Variants in SYNCRIP observed in about 807,000 individuals in gnomAD.
The protein encoded by SYNCRIP is synaptotagmin binding cytoplasmic RNA interacting protein, also known as heterogeneous nuclear ribonucleoprotein Q.
A neutral mutation model predicts 68.9 loss-of-function variants in SYNCRIP; 9 were observed. That is an observed-to-expected ratio of 0.13 (90% confidence interval 0.08 to 0.23). The LOEUF (loss-of-function observed/expected upper bound fraction) is 0.23, where lower values mean the gene tolerates loss of function less well. Among genes scored for constraint, SYNCRIP ranks in the 10% least tolerant of loss-of-function variants. SYNCRIP has a pLI of 1.00. For synonymous variants in SYNCRIP, 258 were observed against 254.0 expected (o/e 1.02, Z -0.15); for missense variants, 414 against 770.6 (o/e 0.54, Z 5.48).
At chr6:85,637,415 A>T in intron 4 of SYNCRIP, 59 bp from the exon 5 acceptor site, 2 of 1,074,714 alleles carry the variant, frequency 1.9e-6, no homozygotes, top group Non-Finnish European at 1.4e-6. Context: ...CCATATATTT[A>T]GCAGTTAACA....
intron 6 of SYNCRIP, among the ~76,000 whole-genome samples, chr6:85,627,935 T>C (rs1419974936): frequency 6.6e-6 from 1 of 152,228 alleles, no homozygotes; most frequent in Non-Finnish European, 1.5e-5. Context: ...CCTTCCCTCA[T>C]AGTCACCAAA....
chr6:85,640,086 A>C (rs1363652917), intron 4 of SYNCRIP, 135 bp downstream of exon 4: 1 of 660,738 alleles, frequency 1.5e-6, no homozygotes, highest in Non-Finnish European at 2.6e-6. Flanking sequence ...AAAAAACTTA[A>C]AAAAAGGAAT....
intron 7 of SYNCRIP, among the ~76,000 whole-genome samples, chr6:85,622,909 C>A (rs1390248603): frequency 6.6e-6 from 1 of 152,144 alleles, no homozygotes; most frequent in East Asian, 1.9e-4. Flanking sequence ...AGAACATGTG[C>A]TCTTTTTAGA....
intron 4 of SYNCRIP, 25 bp from the exon 5 acceptor site, chr6:85,637,381 T>C (rs747714656): frequency 7.5e-6 from 11 of 1,459,292 alleles, no homozygotes; most frequent in Non-Finnish European, 1.1e-5. Context: ...ACGTCATTAA[T>C]ACATTTAATT....
intron 6 of SYNCRIP, among the ~76,000 whole-genome samples, chr6:85,624,663 T>G (rs1384711565): frequency 6.6e-6 from 1 of 152,222 alleles, no homozygotes; most frequent in East Asian, 1.9e-4. Flanking sequence ...AGAAGTAGAT[T>G]TGTCATGGCA....
At chr6:85,623,773 T>C (rs1032135571) in intron 7 of SYNCRIP, among the ~76,000 whole-genome samples, 2 of 152,164 alleles carry the variant, frequency 1.3e-5, no homozygotes, top group Non-Finnish European at 2.9e-5. Flanking sequence ...CCCTACTAAC[T>C]TGTACAACGT....
At chr6:85,623,571 A>AAAAAAACAAAAAAAAAAAAC (rs1562087643) in intron 7 of SYNCRIP, among the ~76,000 whole-genome samples, 2 of 147,876 alleles carry the variant, frequency 1.4e-5, no homozygotes, top group African/African-American at 5.2e-5. Flanking sequence ...CCAAAAAAAA[A>AAAAAAACAAAAAAAAAAAAC]AAAAAAAAAA....
At chr6:85,631,672 A>G (rs1163728461) in intron 6 of SYNCRIP, among the ~76,000 whole-genome samples, 1 of 152,244 alleles carries the variant, frequency 6.6e-6, no homozygotes, top group African/African-American at 2.4e-5. Context: ...AACTCTTTTA[A>G]CACTACCTAA....
chr6:85,628,479 T>C (rs762117810), intron 6 of SYNCRIP, among the ~76,000 whole-genome samples: 3 of 152,222 alleles, frequency 2.0e-5, no homozygotes, highest in Non-Finnish European at 4.4e-5. Context: ...CATGACTCAG[T>C]TGTTTTCTAT....
At chr6:85,628,555 G>A (rs1255251910) in intron 6 of SYNCRIP, among the ~76,000 whole-genome samples, 1 of 152,152 alleles carries the variant, frequency 6.6e-6, no homozygotes, top group Non-Finnish European at 1.5e-5. Flanking sequence ...ACTGACAAGT[G>A]TCACTGAAGA....
In SYNCRIP at chr6:85,641,408, G is replaced by A. The variant is rs766493147; in HGVS notation, c.32C>T (p.Thr11Ile). The change falls in exon 2 of 11, where the codon ACT becomes ATT. Residue 11 changes from threonine (T) to isoleucine (I), a missense_variant. Thr to Ile is a moderately conservative substitution (Grantham distance 89). Transcript: ENST00000369622. ...AGAAGTAGTATCCATGGGCTCTTCA[G>A]TACCATTTCCATTAACATGTTCTGT... MATEHVNGNGTEEPMDTTSAV... is the reference protein window; with the variant it reads MATEHVNGNGIEEPMDTTSAV... The A allele has an allele frequency of 7.4e-6, 12 of 1,613,624 alleles. No individual in the cohort carries two copies. The highest frequency in any genetic ancestry group is 1.0e-5 in the Non-Finnish European group (12 of 1,179,996).
chr6:85,614,425 C>A lies in SYNCRIP; in HGVS notation c.*331G>T, dbSNP rs1345280485. The A allele has an allele frequency of 6.8e-6, 7 of 1,027,464 alleles. No individual in the cohort carries two copies. Among genetic ancestry groups the A allele is most frequent in the Non-Finnish European group, 8.2e-6 (7 of 858,256 alleles). The allele number at this position is 1,027,464 out of a possible 1,614,324, so 63.6% of individuals were successfully genotyped here. ...GACACACTTGGTTTTAATCAACTAC[C>A]TTTGAAGACACCAAATCTAAACACT... is the stretch of plus-strand genomic sequence containing the variant. On this transcript the variant is annotated 3_prime_UTR_variant, in exon 11 of 11. Coordinates refer to ENST00000369622, the MANE Select transcript of SYNCRIP (RefSeq NM_006372.5).
intron 6 of SYNCRIP, among the ~76,000 whole-genome samples, chr6:85,631,372 A>G (rs1042624571): frequency 2.3e-4 from 34 of 150,682 alleles, no homozygotes; most frequent in Non-Finnish European, 7.4e-5. Flanking sequence ...GGCTTAAAGA[A>G]GGCGAAACAT....
downstream of SYNCRIP, chr6:85,613,846 G>C: frequency 4.6e-6 from 2 of 431,624 alleles, no homozygotes; most frequent in Non-Finnish European, 6.2e-6. Flanking sequence ...GGTTAGTTAG[G>C]ATAAACTTTA....
At chr6:85,640,355 TAAC>T (rs1397503887) in intron 3 of SYNCRIP, 27 bp from the exon 4 acceptor site, 5 of 1,602,794 alleles carry the variant, frequency 3.1e-6, no homozygotes, top group African/African-American at 2.7e-5. Flanking sequence ...CATTAATATT[TAAC>T]AATAACCATA....
Position 85,622,647 on chromosome 6 carries a change from G to C in SYNCRIP, c.843C>G (p.Asp281Glu). Reference protein sequence around the residue: ...TDVILYHQPDDKKKNRGFCFL... With the variant: ...TDVILYHQPDEKKKNRGFCFL... ...AGCAAAAGCCTCTGTTTTTTTTCTTGTCATCCGGTTGGTGGTATAAAATGA... is the reference window on the plus strand; with the variant it reads ...AGCAAAAGCCTCTGTTTTTTTTCTTCTCATCCGGTTGGTGGTATAAAATGA... Residue 281 changes from aspartate (D) to glutamate (E), a missense_variant, in exon 8 of 11, where the codon GAC (aspartate) becomes GAG (glutamate). By Grantham distance (45) the Asp-to-Glu change is conservative. This residue lies in a region of SYNCRIP where 110 missense variants were observed against 269.3 expected (regional missense o/e 0.41). Transcript: ENST00000369622. 2 of 1,613,978 alleles carry C rather than the reference G, an allele frequency of 1.2e-6. No individual in the cohort carries two copies. Among genetic ancestry groups the C allele is most frequent in the Non-Finnish European group, 1.7e-6 (2 of 1,179,980 alleles).
chr6:85,628,157 G>A (rs1807276863), intron 6 of SYNCRIP, among the ~76,000 whole-genome samples: 1 of 152,118 alleles, frequency 6.6e-6, no homozygotes, highest in Non-Finnish European at 1.5e-5. Context: ...CCGGTTTCAA[G>A]TGATTCTCCT....
chr6:85,613,876 G>C (rs1395289127), downstream of SYNCRIP: 9 of 713,870 alleles, frequency 1.3e-5, no homozygotes, highest in African/African-American at 1.9e-5. Context: ...AAGTGGACTT[G>C]TCAGTGTGAC....
At chr6:85,627,630 T>C (rs1355587930) in intron 6 of SYNCRIP, among the ~76,000 whole-genome samples, 2 of 152,134 alleles carry the variant, frequency 1.3e-5, no homozygotes, top group East Asian at 3.9e-4. Context: ...AATTTAATAC[T>C]AGTAAACCCT....
Sources: allele counts gnomAD v4.1 joint callset (sites outside exome capture counted in the v4.1 genomes callset), GRCh38; gene constraint gnomAD v4.1.1; regional missense constraint gnomAD v4.1.1; transcripts MANE v1.5; gene names NCBI Gene and HGNC (gene_info 2026-07-23, HGNC 2026-07-21).